TNS3: variants seen among roughly 807,000 people sequenced by gnomAD.
TNS3 encodes the protein tensin-3.
A neutral mutation model predicts 140.9 loss-of-function variants in TNS3; 45 were observed. The ratio of observed to expected loss-of-function variants is 0.32; its 90% CI spans 0.25 to 0.41. The LOEUF (loss-of-function observed/expected upper bound fraction) is 0.41. Ranked by LOEUF, TNS3 falls within the 10% of genes least tolerant of loss-of-function variation. TNS3 has a pLI of 1.00. For synonymous variants in TNS3, 815 were observed against 788.4 expected (o/e 1.03, Z -0.56); for missense variants, 1,716 against 1,906.7 (o/e 0.90, Z 1.86).
chr7:47,328,371 T>G (rs1788146980), intron 20 of TNS3, among the ~76,000 whole-genome samples: 1 of 151,874 alleles, frequency 6.6e-6, no homozygotes, highest in Non-Finnish European at 1.5e-5. Flanking sequence ...CACTTTTTCC[T>G]CCCCCAACTT....
At chr7:47,334,411 T>C (rs568857957) in intron 20 of TNS3, among the ~76,000 whole-genome samples, 1 of 152,154 alleles carries the variant, frequency 6.6e-6, no homozygotes, top group Non-Finnish European at 1.5e-5. Context: ...AAACCCCCTC[T>C]GAATACCACT....
intron 1 of TNS3, among the ~76,000 whole-genome samples, chr7:47,544,750 T>C (rs1420663966): frequency 6.6e-6 from 1 of 152,052 alleles, no homozygotes; most frequent in African/African-American, 2.4e-5. Context: ...CACGGATCAG[T>C]AGGCATCCCA....
At chr7:47,486,412 CTGTG>C (rs1315351520) in intron 3 of TNS3, among the ~76,000 whole-genome samples, 1 of 152,054 alleles carries the variant, frequency 6.6e-6, no homozygotes, top group East Asian at 1.9e-4. Flanking sequence ...GTATGTGTCT[CTGTG>C]TGTTTGTGTG....
At chr7:47,354,144 A>G (rs912246407) in intron 17 of TNS3, among the ~76,000 whole-genome samples, 4 of 152,068 alleles carry the variant, frequency 2.6e-5, no homozygotes, top group Admixed American at 1.3e-4. Flanking sequence ...TCCAAACACT[A>G]CTACAAAACT....
At position 47,303,293 on chromosome 7, in the gene TNS3, C is replaced by A. The variant is rs754494748; in HGVS notation, c.3114G>T (p.Gly1038=). Residue 1038 remains glycine (G), a synonymous_variant, in exon 22 of 31, where the codon GGG becomes GGT. Coordinates refer to ENST00000311160, the MANE Select transcript of TNS3 (RefSeq NM_022748.12). ...GSGLPPEEDL[G]ALLANSHGAS... is the part of the protein sequence containing the mutation. ...CTCCATGAGAATTGGCCAGCAAGGCCCCCAGGTCCTCCTCGGGCGGAAGGC... is the reference window on the plus strand; with the variant it reads ...CTCCATGAGAATTGGCCAGCAAGGCACCCAGGTCCTCCTCGGGCGGAAGGC... 1.2e-6 allele frequency: 2 copies of A among 1,613,604 alleles called. No individual in the cohort carries two copies. Among genetic ancestry groups the A allele is most frequent in the South Asian group, 1.1e-5 (1 of 91,028 alleles).
rs138684159 is a variant in TNS3, at chr7:47,496,655, C to G, written c.-115+10252G>C. ...GTCTGAGTGGGAGAGTCCACGCACA[C>G]GCAGTACAGAACGCCAGGCACAGGT... is the stretch of plus-strand genomic sequence containing the variant. On this transcript the variant is annotated intron_variant, in intron 3 of 30. Transcript: ENST00000311160. Among the ~76,000 whole-genome samples, 8 of 152,310 alleles carry G rather than the reference C, an allele frequency of 5.3e-5. No homozygotes were observed. The East Asian group carries it at 1.5e-3, about 29-fold the overall frequency.
intron 5 of TNS3, among the ~76,000 whole-genome samples, chr7:47,440,813 T>C (rs1307689767): frequency 6.6e-6 from 1 of 152,218 alleles, no homozygotes; most frequent in Non-Finnish European, 1.5e-5. Flanking sequence ...CCCTCCAAAG[T>C]GCTGCCACCA....
chr7:47,304,928 A>G lies in TNS3; in HGVS notation c.2726T>C (p.Met909Thr). 3 of 1,431,182 alleles carry G rather than the reference A, an allele frequency of 2.1e-6. No individual in the cohort carries two copies. The highest frequency in any genetic ancestry group is 2.8e-6 in the Non-Finnish European group (3 of 1,076,410). 88.7% of individuals were successfully genotyped at this position (1,431,182 alleles called of 1,614,324 possible). The change falls in exon 21 of 31, where the codon ATG becomes ACG. Residue 909 changes from methionine (M) to threonine (T), a missense_variant. By Grantham distance (81) the Met-to-Thr change is moderately conservative. Transcript: ENST00000311160. ...SESPIGPKSTMLRADASSTPS... is the reference protein window; with the variant it reads ...SESPIGPKSTTLRADASSTPS... The stretch of plus-strand genomic sequence containing the variant: ...CGTCGAGGACGCATCAGCCCGGAGC[A>G]TCGTGGATTTGGGTCCGATGGGGCT...
At chr7:47,555,401 CA>C (rs59842217) in intron 1 of TNS3, among the ~76,000 whole-genome samples, 53,956 of 117,756 alleles carry the variant, frequency 0.46, 9,434 homozygotes, top group Middle Eastern at 0.6. Context: ...GACTTTGTCT[CA>C]AAAAAAAAAA....
At position 47,277,789 on chromosome 7, in the gene TNS3, C is replaced by T. The variant is rs1784933435; in HGVS notation, c.*287G>A. The T allele has an allele frequency of 4.2e-6, 2 of 473,934 alleles. No individual in the cohort carries two copies. The highest frequency in any genetic ancestry group is 3.2e-5 in the Admixed American group (1 of 31,144). 29.4% of individuals were successfully genotyped at this position (473,934 alleles called of 1,614,324 possible). A position where few individuals can be genotyped will look rare whatever the true frequency, so the allele number is the denominator to read the frequency against. On this transcript the variant is annotated 3_prime_UTR_variant, in exon 31 of 31. Coordinates refer to ENST00000311160, the MANE Select transcript of TNS3 (RefSeq NM_022748.12). ...GTTCTGTGCTGTTTCCTTGCATGTC[C>T]CTTTCCCATGGGGACCCTAGGGGGT...
intron 2 of TNS3, among the ~76,000 whole-genome samples, chr7:47,525,643 C>T (rs531233033): frequency 6.6e-6 from 1 of 152,376 alleles, no homozygotes; most frequent in Admixed American, 6.5e-5. Context: ...TGTTCCCTCA[C>T]AATGTGGAAT....
At chr7:47,582,300 C>G (rs1784556550), upstream of TNS3, 3 of 385,576 alleles carry the variant, frequency 7.8e-6, no homozygotes, top group Admixed American at 6.0e-5. Context: ...CCCGCCCTGC[C>G]GAGGTGCGCC....
chr7:47,325,890 A>G (rs1787999506), intron 20 of TNS3, among the ~76,000 whole-genome samples: 1 of 152,162 alleles, frequency 6.6e-6, no homozygotes, highest in Admixed American at 6.5e-5. Flanking sequence ...ACAGAAGGGT[A>G]GAGGAGAGAA....
chr7:47,414,036 G>A, intron 11 of TNS3, 39 bp from the exon 12 acceptor site: 6 of 1,592,064 alleles, frequency 3.8e-6, no homozygotes, highest in Non-Finnish European at 4.3e-6. Flanking sequence ...GGCATGACCG[G>A]TACAGAACGA....
intron 3 of TNS3, among the ~76,000 whole-genome samples, chr7:47,500,992 G>A (rs2151861189): frequency 6.6e-6 from 1 of 152,284 alleles, no homozygotes; most frequent in East Asian, 1.9e-4. Context: ...GGAGGCTGAG[G>A]CAGAAGAATC....
In TNS3 at chr7:47,344,930, G is replaced by T; in HGVS notation, c.2560C>A (p.Pro854Thr). The stretch of plus-strand genomic sequence containing the variant: ...AGTGTTACTTCATTCTTACCATACG[G>T]TGTCTCTGGAGACACAGGAAATGCT... ...TPAFPVSPET[P>T]YVKTALRHPP... The change falls in exon 19 of 31, where the codon CCG becomes ACG. Residue 854 changes from proline to threonine, a missense_variant. Transcript: ENST00000311160. 2 of 1,614,094 alleles carry T rather than the reference G, an allele frequency of 1.2e-6. No homozygotes were observed. The highest frequency in any genetic ancestry group is 1.7e-6 in the Non-Finnish European group (2 of 1,179,946).
At chr7:47,388,908 G>GGGGAGAGGGAGA (rs139851538) in intron 16 of TNS3, among the ~76,000 whole-genome samples, 3 of 135,550 alleles carry the variant, frequency 2.2e-5, no homozygotes, top group Admixed American at 7.5e-5. Context: ...AGAAGAAGAA[G>GGGGAGAGGGAGA]GGGAGAGGGA....
chr7:47,521,710 G>A (rs1373548008), intron 2 of TNS3, among the ~76,000 whole-genome samples: 1 of 152,120 alleles, frequency 6.6e-6, no homozygotes, highest in Non-Finnish European at 1.5e-5. Flanking sequence ...CCAGCAAGAG[G>A]TCAAAAATGA....
chr7:47,411,942 G>C, intron 12 of TNS3, 140 bp from the exon 13 acceptor site: 1 of 759,004 alleles, frequency 1.3e-6, no homozygotes, highest in Non-Finnish European at 2.1e-6. Context: ...TAATTCCTGA[G>C]AATCTAAATG....
Sources: allele counts gnomAD v4.1 joint callset (sites outside exome capture counted in the v4.1 genomes callset), GRCh38; gene constraint gnomAD v4.1.1; transcripts MANE v1.5; gene names NCBI Gene and HGNC (gene_info 2026-07-23, HGNC 2026-07-21).